Variants in LIPA observed in about 807,000 individuals in gnomAD.
The protein encoded by LIPA is lipase A, lysosomal acid type.
LIPA carries 26 observed loss-of-function variants against 40.6 expected under a neutral mutation model. The observed-to-expected ratio is 0.64, with a 90% CI of 0.47 to 0.89. The LOEUF is 0.89. Among genes scored for constraint, LIPA ranks in the 40% least tolerant of loss-of-function variants. The pLI, the probability that LIPA is intolerant of heterozygous loss-of-function variation, is 0.00. For missense variants in LIPA, 455 were observed against 479.6 expected, an observed-to-expected ratio of 0.95 and a Z score of 0.48; for synonymous variants, 188 against 168.4, an observed-to-expected ratio of 1.12 and a Z score of -0.90.
chr10:89,290,598 G>T (rs1009051537), intron 1 of LIPA, among the ~76,000 whole-genome samples: 1 of 152,214 alleles, frequency 6.6e-6, no homozygotes, highest in Non-Finnish European at 1.5e-5. Flanking sequence ...CAAAAAAAGT[G>T]AAAACGTCCT....
intron 2 of LIPA, among the ~76,000 whole-genome samples, chr10:89,360,629 G>C (rs1463831302): frequency 6.6e-6 from 1 of 152,190 alleles, no homozygotes; most frequent in Non-Finnish European, 1.5e-5. Flanking sequence ...CCCAACCTCA[G>C]GTGATCCACC....
At chr10:89,234,348 A>T (rs1056086350) in intron 3 of LIPA, among the ~76,000 whole-genome samples, 4 of 152,228 alleles carry the variant, frequency 2.6e-5, no homozygotes, top group African/African-American at 9.6e-5. Context: ...ACATCTTTCC[A>T]GGCTGGGCCA....
At position 89,326,339 on chromosome 10, in the gene LIPA, A is replaced by C. The variant is rs1273526224; in HGVS notation, c.-2+16272T>G. Among the ~76,000 whole-genome samples, 3 of 152,356 alleles carry C rather than the reference A, an allele frequency of 2.0e-5. No homozygotes were observed. The East Asian group carries it at 5.8e-4, about 29-fold the overall frequency. On this transcript the variant is annotated intron_variant, in intron 1 of 5. Coordinates refer to the LIPA transcript ENST00000282673. ...TAAGTGAATTAAGCCAGGCACAGAA[A>C]GACAAATTTTACATATTCTCACTTG...
At chr10:89,323,673 A>G (rs1843583048) in intron 1 of LIPA, among the ~76,000 whole-genome samples, 1 of 152,196 alleles carries the variant, frequency 6.6e-6, no homozygotes, top group Admixed American at 6.5e-5. Flanking sequence ...CAGGAAGACA[A>G]TCCCATTCAC....
chr10:89,361,540 T>C (rs1441279645), intron 2 of LIPA, among the ~76,000 whole-genome samples: 1 of 152,190 alleles, frequency 6.6e-6, no homozygotes, highest in Non-Finnish European at 1.5e-5. Context: ...TGTCATCTGC[T>C]ATGGCATCCT....
chr10:89,349,918 G>A (rs746416945), intron 2 of LIPA, among the ~76,000 whole-genome samples: 2 of 152,112 alleles, frequency 1.3e-5, no homozygotes, highest in East Asian at 1.9e-4. Flanking sequence ...GAATATAAAC[G>A]TCTCTTGTGA....
chr10:89,365,817 T>C (rs1023284008), intron 2 of LIPA, among the ~76,000 whole-genome samples: 1 of 152,232 alleles, frequency 6.6e-6, no homozygotes, highest in Non-Finnish European at 1.5e-5. Flanking sequence ...TACATCTCTG[T>C]TTTGGTAAAA....
In LIPA at chr10:89,302,201, T is replaced by G. The variant is rs1039331990; in HGVS notation, c.-2+40410A>C. On this transcript the variant is annotated intron_variant, in intron 1 of 5. Transcript: ENST00000282673. Reference sequence around the variant, plus strand: ...CCAATGCAAATCCTGAGAAGCTATGTTCCCAAAGAGGGCCAGCTCCATTTT... The same window carrying G: ...CCAATGCAAATCCTGAGAAGCTATGGTCCCAAAGAGGGCCAGCTCCATTTT... 7 of 1,531,602 alleles carry G rather than the reference T, an allele frequency of 4.6e-6. No individual in the cohort carries two copies. The Admixed American group carries it at 6.7e-5, about 15-fold the overall frequency. 94.9% of individuals were successfully genotyped at this position (1,531,602 alleles called of 1,614,324 possible). A position where few individuals can be genotyped will look rare whatever the true frequency, so the allele number is the denominator to read the frequency against.
At position 89,384,494 on chromosome 10, in the gene LIPA, C is replaced by T. The variant is rs201434020; in HGVS notation, c.61+28297G>A. The T allele has an allele frequency of 1.2e-5, 20 of 1,614,000 alleles. No individual in the cohort carries two copies. The East Asian group carries it at 4.2e-4, about 34-fold the overall frequency. On this transcript the variant is annotated intron_variant, in intron 2 of 8. Transcript: ENST00000371837. ...CGTTTCCAAGAACATCATGGGAAATCTCAAGATAAAGCAATTACCCATTAT... is the reference window on the plus strand; with the variant it reads ...CGTTTCCAAGAACATCATGGGAAATTTCAAGATAAAGCAATTACCCATTAT...
chr10:89,284,117 GGCCAGAGCCTGGA>G (rs1280862625), intron 1 of LIPA: 35 of 152,374 alleles, frequency 2.3e-4, no homozygotes, highest in African/African-American at 8.4e-4. Context: ...ACCAGGAAGT[GGCCAGAGCCTGGA>G]GCCAGAGACG....
chr10:89,220,794 G>A (rs1456994248), intron 8 of LIPA, among the ~76,000 whole-genome samples: 1 of 152,198 alleles, frequency 6.6e-6, no homozygotes, highest in Non-Finnish European at 1.5e-5. Context: ...GGAGATGAAA[G>A]TATCAGGATG....
rs111590789 is a variant in LIPA at position 89,358,613 on chromosome 10, C to T, written c.61+54178G>A. ...ACTATAAAAAAGAATGAAATCCTGT[C>T]ATTTGCAACAACATGGATAGAACTG... On this transcript the variant is annotated intron_variant, in intron 2 of 8. Coordinates refer to the LIPA transcript ENST00000371837. 7.9e-3 allele frequency among the ~76,000 whole-genome samples: 1,210 copies of T among 152,302 alleles called. 18 individuals carry two copies. Among genetic ancestry groups the T allele is most frequent in the African/African-American group, 0.027 (1,135 of 41,562 alleles).
rs114763854 is a variant in LIPA at position 89,393,823 on chromosome 10, A to G, written c.61+18968T>C. Among the ~76,000 whole-genome samples, 777 of 152,322 alleles carry G rather than the reference A, an allele frequency of 5.1e-3. 2 individuals are homozygous for G. Among genetic ancestry groups the G allele is most frequent in the African/African-American group, 0.018 (743 of 41,574 alleles). ...AGTTGGCAAAATTTTGAAGAGGTAA[A>G]AATTCCAGAAAATGCACATTACAGG... is the stretch of plus-strand genomic sequence containing the variant. On this transcript the variant is annotated intron_variant, in intron 2 of 8. Coordinates refer to the LIPA transcript ENST00000371837.
In LIPA at chr10:89,384,203, C is replaced by T. The variant is rs768019735; in HGVS notation, c.61+28588G>A. The T allele has an allele frequency of 1.9e-5, 30 of 1,613,998 alleles. 1 individual carries two copies. In the Admixed American group the frequency reaches 4.8e-4, roughly 26 times the overall value. On this transcript the variant is annotated intron_variant, in intron 2 of 8. Coordinates refer to the LIPA transcript ENST00000371837. ...CACCAAATGGGGCTTTGCTACAGGG[C>T]ACAAATGATCCAAATCAAGGAAGCT...
chr10:89,245,387 C>A (rs544133096), intron 3 of LIPA, among the ~76,000 whole-genome samples: 2 of 152,072 alleles, frequency 1.3e-5, no homozygotes, highest in Non-Finnish European at 2.9e-5. Context: ...CAAAAGCCAT[C>A]TATTTAATGC....
At position 89,215,065 on chromosome 10, in the gene LIPA, C is replaced by T; in HGVS notation, c.967-4G>A. The T allele has an allele frequency of 1.3e-6, 2 of 1,598,618 alleles. No homozygotes were observed. The highest frequency in any genetic ancestry group is 1.7e-6 in the Non-Finnish European group (2 of 1,165,834). On this transcript the variant is annotated splice_polypyrimidine_tract_variant and splice_region_variant and intron_variant, in intron 9 of 9. Transcript: ENST00000336233. ...CATTGTATGTGGGAGGATAACTCTA[C>T]AATGAAAAGGAACCAGAGAAAGCCT...
chr10:89,230,888 A>G (rs1842833237), intron 3 of LIPA, among the ~76,000 whole-genome samples: 1 of 152,218 alleles, frequency 6.6e-6, no homozygotes, highest in African/African-American at 2.4e-5. Context: ...GTTAAGAGGA[A>G]TAAGTGAGGT....
intron 1 of LIPA, among the ~76,000 whole-genome samples, chr10:89,323,652 G>A (rs1419119107): frequency 2.6e-5 from 4 of 152,028 alleles, no homozygotes; most frequent in South Asian, 2.1e-4. Context: ...AATCCAAGCC[G>A]AGAGCCAAAT....
At chr10:89,251,302 G>C (rs1843115924) in intron 1 of LIPA, among the ~76,000 whole-genome samples, 1 of 152,204 alleles carries the variant, frequency 6.6e-6, no homozygotes, top group African/African-American at 2.4e-5. Context: ...AACCAGGATT[G>C]ATGCCCAAGT....
Sources: allele counts gnomAD v4.1 joint callset (sites outside exome capture counted in the v4.1 genomes callset), GRCh38; gene constraint gnomAD v4.1.1; transcripts MANE v1.5; gene names NCBI Gene and HGNC (gene_info 2026-07-23, HGNC 2026-07-21).